The following CLVS1 variants were observed in gnomAD, a reference collection of about 807,000 sequenced individuals.
CLVS1 encodes the protein clavesin 1, also known as clavesin-1.
In CLVS1, 10 loss-of-function variants were observed where a neutral mutation model predicts 33.1. That is an observed-to-expected ratio of 0.30 (90% CI 0.19 to 0.51). The LOEUF (loss-of-function observed/expected upper bound fraction) is 0.51, where lower values mean the gene tolerates loss of function less well. CLVS1 is among the 20% of genes least tolerant of loss of function. The pLI is 0.97. For missense variants in CLVS1, 343 were observed against 433.4 expected (o/e 0.79, Z 1.85); for synonymous variants, 163 against 166.1 (o/e 0.98, Z 0.14).
At chr8:61,166,031 G>GTTTTTTTTTTTTTTTTT (rs71245557) in intron 2 of CLVS1, among the ~76,000 whole-genome samples, 11 of 108,368 alleles carry the variant, frequency 1.0e-4, no homozygotes, top group African/African-American at 1.6e-4. Context: ...GCATCTAAGC[G>GTTTTTTTTTTTTTTTTT]TTTTTTTTTT....
chr8:61,412,211 A>G (rs1815257932), intron 3 of CLVS1, among the ~76,000 whole-genome samples: 1 of 152,256 alleles, frequency 6.6e-6, no homozygotes, highest in Non-Finnish European at 1.5e-5. Flanking sequence ...TATATATACC[A>G]GTAATTAAGA....
At chr8:61,499,137 C>A (rs140555754) in intron 5 of CLVS1, among the ~76,000 whole-genome samples, 1 of 152,020 alleles carries the variant, frequency 6.6e-6, no homozygotes, top group Non-Finnish European at 1.5e-5. Context: ...AACAGAGATA[C>A]GAAAGGGAAT....
At chr8:61,313,603 C>T (rs966678437) in intron 2 of CLVS1, among the ~76,000 whole-genome samples, 2 of 152,122 alleles carry the variant, frequency 1.3e-5, no homozygotes, top group Admixed American at 6.5e-5. Flanking sequence ...CCTGGAAGCT[C>T]CTGGAGACAG....
chr8:61,173,416 A>T (rs4738872), intron 2 of CLVS1, among the ~76,000 whole-genome samples: 1 of 151,984 alleles, frequency 6.6e-6, no homozygotes, highest in African/African-American at 2.4e-5. Flanking sequence ...TTGTTTCTCT[A>T]GTTTCTTGAG....
At chr8:61,177,640 T>A (rs1237679245) in intron 2 of CLVS1, among the ~76,000 whole-genome samples, 1 of 151,920 alleles carries the variant, frequency 6.6e-6, no homozygotes, top group African/African-American at 2.4e-5. Context: ...AGGCACCCAT[T>A]TTTGCTGTTC....
rs1585605921 is a variant in CLVS1, at chr8:61,094,230, G to A, written c.-243+37000G>A. 2.6e-5 allele frequency among the ~76,000 whole-genome samples: 4 copies of A among 152,208 alleles called. No individual in the cohort carries two copies. The South Asian group carries it at 6.2e-4, about 24-fold the overall frequency. On this transcript the variant is annotated intron_variant, in intron 1 of 2. Coordinates refer to the CLVS1 transcript ENST00000522621. The stretch of plus-strand genomic sequence containing the variant: ...ACCAGTGCTTGGGAAGCGGGAGGTG[G>A]GTGTGGAAATCATGTTTTCATCTCT...
chr8:61,240,172 T>A (rs1228815410), intron 2 of CLVS1, among the ~76,000 whole-genome samples: 1 of 152,236 alleles, frequency 6.6e-6, no homozygotes, highest in Non-Finnish European at 1.5e-5. Flanking sequence ...CTGCTTTTTT[T>A]CTGCTTAAAC....
intron 2 of CLVS1, among the ~76,000 whole-genome samples, chr8:61,220,678 T>A (rs995341370): frequency 6.6e-6 from 1 of 152,102 alleles, no homozygotes; most frequent in African/African-American, 2.4e-5. Flanking sequence ...TTAAGATAGT[T>A]TTTTCTAATT....
intron 2 of CLVS1, among the ~76,000 whole-genome samples, chr8:61,145,075 T>G (rs2129293828): frequency 6.6e-6 from 1 of 152,328 alleles, no homozygotes; most frequent in Admixed American, 6.5e-5. Context: ...AAATGTCTTC[T>G]TTTGAGAACA....
At chr8:61,483,513 A>T (rs897342523) in intron 5 of CLVS1, among the ~76,000 whole-genome samples, 1 of 152,258 alleles carries the variant, frequency 6.6e-6, no homozygotes, top group Non-Finnish European at 1.5e-5. Context: ...TACCAGAGGT[A>T]CAAAGAGGAG....
chr8:61,194,701 G>A (rs928628246), intron 2 of CLVS1, among the ~76,000 whole-genome samples: 5 of 151,666 alleles, frequency 3.3e-5, no homozygotes, highest in South Asian at 2.1e-4. Flanking sequence ...CAATATATAT[G>A]TATTTATGTA....
At chr8:61,048,467 C>A in the CLVS1 span, among the ~76,000 whole-genome samples, 1 of 152,194 alleles carries the variant, frequency 6.6e-6, no homozygotes, top group Non-Finnish European at 1.5e-5. Context: ...GCAGGTACCA[C>A]TTGAATCCAC....
chr8:61,016,506 C>G, the CLVS1 span, among the ~76,000 whole-genome samples: 2 of 152,224 alleles, frequency 1.3e-5, no homozygotes, highest in South Asian at 4.1e-4. Flanking sequence ...TGACTACTGA[C>G]AGTGGGAACA....
intron 2 of CLVS1, among the ~76,000 whole-genome samples, chr8:61,263,790 C>T (rs1809253442): frequency 6.6e-6 from 1 of 152,120 alleles, no homozygotes; most frequent in Admixed American, 6.5e-5. Flanking sequence ...TTAGACCTTC[C>T]TCATTAAGGG....
the CLVS1 span, among the ~76,000 whole-genome samples, chr8:61,007,703 A>G: frequency 2.0e-5 from 3 of 152,224 alleles, no homozygotes; most frequent in African/African-American, 7.2e-5. Context: ...AAGCACATTT[A>G]TAAACACGGG....
chr8:61,267,544 T>C (rs1171083976), intron 2 of CLVS1, among the ~76,000 whole-genome samples: 2 of 152,246 alleles, frequency 1.3e-5, no homozygotes, highest in African/African-American at 2.4e-5. Context: ...TATAATTTTA[T>C]AGGGAAAATT....
At chr8:61,324,576 G>C (rs1193023997) in intron 2 of CLVS1, among the ~76,000 whole-genome samples, 1 of 152,178 alleles carries the variant, frequency 6.6e-6, no homozygotes, top group Non-Finnish European at 1.5e-5. Flanking sequence ...CTTTGGAACT[G>C]AGTAGCAGGT....
chr8:61,232,743 C>T (rs10088806), intron 2 of CLVS1, among the ~76,000 whole-genome samples: 33,066 of 152,154 alleles, frequency 0.22, 6,245 homozygotes, highest in East Asian at 0.69. Context: ...TTTGACCCAG[C>T]ATCATGCAGT....
chr8:61,052,063 A>C, the CLVS1 span, among the ~76,000 whole-genome samples: 3 of 151,928 alleles, frequency 2.0e-5, no homozygotes, highest in African/African-American at 4.8e-5. Flanking sequence ...AGTGAGGGGG[A>C]CTCAGAGGCT....
Sources: gnomAD v4.1 joint callset for allele counts (sites outside exome capture counted in the v4.1 genomes callset) on GRCh38, gnomAD v4.1.1 for gene constraint, MANE v1.5 for transcripts, NCBI Gene and HGNC (gene_info 2026-07-23, HGNC 2026-07-21) for gene names.